ALDH1A2: variants seen among roughly 807,000 people sequenced by gnomAD.
ALDH1A2 encodes the protein aldehyde dehydrogenase 1 family member A2.
Under a neutral mutation model 60.3 loss-of-function variants are expected in ALDH1A2, and 27 were observed. The observed-to-expected ratio is 0.45, with a 90% CI of 0.33 to 0.62. The LOEUF is 0.62. Ranked by LOEUF, ALDH1A2 falls within the 20% of genes least tolerant of loss-of-function variation. The pLI, the probability that ALDH1A2 is intolerant of heterozygous loss-of-function variation, is 0.02. For missense variants in ALDH1A2, 581 were observed against 643.8 expected, an observed-to-expected ratio of 0.90 and a Z score of 1.06; for synonymous variants, 289 against 232.4, an observed-to-expected ratio of 1.24 and a Z score of -2.21.
At chr15:57,991,111 G>A (rs1194249672) in intron 7 of ALDH1A2, among the ~76,000 whole-genome samples, 1 of 152,078 alleles carries the variant, frequency 6.6e-6, no homozygotes, top group African/African-American at 2.4e-5. Flanking sequence ...TCCTTAAAGT[G>A]AAGTAAGGAC....
At chr15:58,065,344 A>C in intron 1 of ALDH1A2, 190 bp downstream of exon 1, 1 of 666,226 alleles carries the variant, frequency 1.5e-6, no homozygotes, top group Non-Finnish European at 2.7e-6. Flanking sequence ...AGGCGTCCTC[A>C]GACCACGGCG....
chr15:58,032,445 T>A lies in ALDH1A2; in HGVS notation c.118-18164A>T, dbSNP rs571970755. Reference sequence around the variant, plus strand: ...GGGTGCAGCACACCAACATGGCACATGTATACATATGTAACAAACCTGCAC... The same window carrying A: ...GGGTGCAGCACACCAACATGGCACAAGTATACATATGTAACAAACCTGCAC... On this transcript the variant is annotated intron_variant, in intron 1 of 12. Transcript: ENST00000249750. Among the ~76,000 whole-genome samples, 203 of 152,236 alleles carry A rather than the reference T, an allele frequency of 1.3e-3. 1 individual carries two copies. The highest frequency in any genetic ancestry group is 0.011 in the Admixed American group (162 of 15,280).
At position 57,992,821 on chromosome 15, in the gene ALDH1A2, A is replaced by G. The variant is rs1566941213; in HGVS notation, c.685-3T>C. The G allele has an allele frequency of 6.2e-7, 1 of 1,614,090 alleles. No individual in the cohort carries two copies. Among genetic ancestry groups the G allele is most frequent in the Non-Finnish European group, 8.5e-7 (1 of 1,179,970 alleles). ...ATGACCCCGGGAGGAAAGCCAGCCT[A>G]AGAAAACAGAACAGGAGGAAACGTG... On this transcript the variant is annotated splice_polypyrimidine_tract_variant and splice_region_variant and intron_variant, in intron 6 of 12. Coordinates refer to ENST00000249750, the MANE Select transcript of ALDH1A2 (RefSeq NM_003888.4).
At chr15:58,051,363 A>C (rs1325735829) in intron 1 of ALDH1A2, among the ~76,000 whole-genome samples, 1 of 72,604 alleles carries the variant, frequency 1.4e-5, no homozygotes, top group Non-Finnish European at 4.0e-5. Flanking sequence ...TTCTCTTTTT[A>C]TTTATTTATT....
intron 1 of ALDH1A2, 124 bp downstream of exon 1, chr15:58,065,410 G>C: frequency 1.1e-6 from 1 of 875,900 alleles, no homozygotes; most frequent in South Asian, 1.3e-5. Context: ...GCTGCGCCGG[G>C]ATGACAGGCT....
At chr15:58,024,736 C>CTA (rs1157773190) in intron 1 of ALDH1A2, among the ~76,000 whole-genome samples, 2 of 152,180 alleles carry the variant, frequency 1.3e-5, no homozygotes, top group Non-Finnish European at 2.9e-5. Context: ...CTACTGCAGA[C>CTA]TATACATCCT....
At chr15:58,059,599 G>A (rs4646564) in intron 1 of ALDH1A2, among the ~76,000 whole-genome samples, 71,473 of 152,032 alleles carry the variant, frequency 0.47, 17,245 homozygotes, top group Non-Finnish European at 0.53. Flanking sequence ...TACCAGAAAC[G>A]TCTATTTGCA....
intron 7 of ALDH1A2, among the ~76,000 whole-genome samples, chr15:57,976,824 C>T (rs1042240649): frequency 1.1e-4 from 16 of 152,114 alleles, no homozygotes; most frequent in African/African-American, 3.6e-4. Flanking sequence ...GTTCTAGATC[C>T]TTGAGGAATT....
chr15:57,962,168 C>T lies in ALDH1A2; in HGVS notation c.1095G>A (p.Lys365=). ...GTTCCAAGATCTTGTTGTACTGTTT[C>T]TTATCAATCTGTGGGAGACAAGACT... ...PTTEQGPQID[K]KQYNKILELI... Residue 365 remains lysine (K), a synonymous_variant, in exon 10 of 13, where the codon AAG becomes AAA. Transcript: ENST00000249750. The T allele has an allele frequency of 1.2e-6, 2 of 1,614,128 alleles. No homozygotes were observed. The highest frequency in any genetic ancestry group is 1.7e-6 in the Non-Finnish European group (2 of 1,179,998).
chr15:57,957,340 C>G (rs1260895166), intron 12 of ALDH1A2, among the ~76,000 whole-genome samples: 1 of 152,158 alleles, frequency 6.6e-6, no homozygotes, highest in Non-Finnish European at 1.5e-5. Context: ...ACCCCCACCC[C>G]ACAAAGATTC....
intron 4 of ALDH1A2, among the ~76,000 whole-genome samples, chr15:57,998,301 C>G (rs1211987965): frequency 1.3e-5 from 2 of 151,978 alleles, no homozygotes; most frequent in Non-Finnish European, 2.9e-5. Flanking sequence ...TCTAGAAAAC[C>G]CCATTGTCTC....
chr15:57,972,398 C>CTAT (rs1894100335), intron 7 of ALDH1A2, among the ~76,000 whole-genome samples: 1 of 152,312 alleles, frequency 6.6e-6, no homozygotes, highest in Admixed American at 6.5e-5. Flanking sequence ...ACATAAGACT[C>CTAT]TATTTCAGGT....
At chr15:57,964,189 T>G in intron 8 of ALDH1A2, 120 bp from the exon 9 acceptor site, 1 of 1,023,426 alleles carries the variant, frequency 9.8e-7, no homozygotes, top group Admixed American at 2.1e-5. Flanking sequence ...GACATAACCA[T>G]GAATAGCCCT....
intron 12 of ALDH1A2, among the ~76,000 whole-genome samples, chr15:57,957,179 C>G (rs11855259): frequency 0.37 from 55,876 of 152,024 alleles, 11,174 homozygotes; most frequent in Non-Finnish European, 0.47. Context: ...GACAGGAGTG[C>G]CCACTCAGCT....
intron 7 of ALDH1A2, among the ~76,000 whole-genome samples, chr15:57,987,332 C>T (rs778700825): frequency 2.0e-4 from 30 of 151,892 alleles, no homozygotes; most frequent in Admixed American, 7.2e-4. Flanking sequence ...GAAATTTTAA[C>T]GAACCAACAA....
At chr15:57,980,254 G>A (rs764074042) in intron 7 of ALDH1A2, 4 of 346,714 alleles carry the variant, frequency 1.2e-5, no homozygotes, top group Admixed American at 3.5e-5. Context: ...TCTTAGTCTT[G>A]ACCTTCCCTG....
chr15:58,065,177 A>C (rs1595702624), intron 1 of ALDH1A2: 2 of 300,814 alleles, frequency 6.6e-6, no homozygotes, highest in Non-Finnish European at 6.4e-6. Context: ...CTGACGGGGA[A>C]CCCCGGCCTC....
At chr15:57,983,115 T>C (rs377470739) in intron 7 of ALDH1A2, among the ~76,000 whole-genome samples, 19 of 152,322 alleles carry the variant, frequency 1.2e-4, no homozygotes, top group African/African-American at 3.8e-4. Context: ...TTTAAATGAC[T>C]GTTAAAAGTA....
intron 10 of ALDH1A2, 141 bp downstream of exon 10, chr15:57,961,864 CTGGAATT>C: frequency 8.7e-7 from 1 of 1,151,248 alleles, no homozygotes; most frequent in South Asian, 1.4e-5. Flanking sequence ...CTTCTTGAAA[CTGGAATT>C]TTCATAGCCA....
Sources: gnomAD v4.1 joint callset for allele counts (sites outside exome capture counted in the v4.1 genomes callset) on GRCh38, gnomAD v4.1.1 for gene constraint, MANE v1.5 for transcripts, NCBI Gene and HGNC (gene_info 2026-07-23, HGNC 2026-07-21) for gene names.